The following XKR4 variants were observed in gnomAD, a reference collection of about 807,000 sequenced individuals.
The protein encoded by XKR4 is XK-related protein 4.
A neutral mutation model predicts 53.9 loss-of-function variants in XKR4; 12 were observed. That is an observed-to-expected ratio of 0.22 (90% confidence interval 0.14 to 0.36). XKR4 has a LOEUF of 0.36. Among genes scored for constraint, XKR4 ranks in the 10% least tolerant of loss-of-function variants. The probability of loss-of-function intolerance (pLI) is 1.00; values close to 1 mark genes in which losing one functional copy is unlikely to be tolerated. For synonymous variants in XKR4, 354 were observed against 362.4 expected, an observed-to-expected ratio of 0.98 and a Z score of 0.26; for missense variants, 799 against 859.5, an observed-to-expected ratio of 0.93 and a Z score of 0.88.
intron 1 of XKR4, among the ~76,000 whole-genome samples, chr8:55,263,520 C>A (rs1195374064): frequency 1.3e-5 from 2 of 152,198 alleles, no homozygotes; most frequent in African/African-American, 4.8e-5. Flanking sequence ...CTAGAGCACT[C>A]AGATTTTGAA....
At chr8:55,451,842 G>A (rs562451059) in intron 2 of XKR4, 24 of 911,568 alleles carry the variant, frequency 2.6e-5, no homozygotes, top group Middle Eastern at 2.1e-4. Flanking sequence ...TGGTCATGCC[G>A]TCCGAGGGCT....
chr8:55,504,641 C>G (rs537550618), intron 2 of XKR4, among the ~76,000 whole-genome samples: 2 of 152,262 alleles, frequency 1.3e-5, no homozygotes, highest in South Asian at 4.1e-4. Context: ...GGTAATTCCT[C>G]TTTAAATATT....
chr8:55,151,453 A>G (rs1563469320), intron 1 of XKR4, among the ~76,000 whole-genome samples: 1 of 152,226 alleles, frequency 6.6e-6, no homozygotes, highest in Non-Finnish European at 1.5e-5. Flanking sequence ...TGACATGACT[A>G]CAAAATGATC....
intron 1 of XKR4, among the ~76,000 whole-genome samples, chr8:55,240,022 A>G (rs1488057397): frequency 6.6e-6 from 1 of 152,172 alleles, no homozygotes; most frequent in Admixed American, 6.5e-5. Flanking sequence ...GTATCAGTGA[A>G]CCTAGAGTAT....
At chr8:55,173,482 G>T (rs1322486835) in intron 1 of XKR4, among the ~76,000 whole-genome samples, 1 of 152,126 alleles carries the variant, frequency 6.6e-6, no homozygotes, top group African/African-American at 2.4e-5. Flanking sequence ...TAGAACACAT[G>T]ATACTGTTTC....
At chr8:55,373,133 G>C (rs1040053891) in intron 2 of XKR4, among the ~76,000 whole-genome samples, 2 of 152,126 alleles carry the variant, frequency 1.3e-5, no homozygotes, top group Non-Finnish European at 2.9e-5. Flanking sequence ...AAGTCTCAGA[G>C]ACTACAAGAC....
intron 2 of XKR4, among the ~76,000 whole-genome samples, chr8:55,489,740 C>A (rs1358381134): frequency 6.6e-6 from 1 of 151,604 alleles, no homozygotes; most frequent in East Asian, 1.9e-4. Context: ...ATATGTCACC[C>A]ATGAATATAA....
intron 2 of XKR4, among the ~76,000 whole-genome samples, chr8:55,389,778 C>A (rs546892155): frequency 6.6e-6 from 1 of 152,134 alleles, no homozygotes; most frequent in African/African-American, 2.4e-5. Context: ...AAGTTATAAG[C>A]CTGTCTTTAA....
chr8:55,360,847 TCTC>T (rs1219201334), intron 2 of XKR4, among the ~76,000 whole-genome samples: 1 of 152,226 alleles, frequency 6.6e-6, no homozygotes, highest in East Asian at 1.9e-4. Flanking sequence ...GTCAGCTGCT[TCTC>T]CTTCCTTATG....
chr8:55,253,072 A>G (rs1818382753), intron 1 of XKR4, among the ~76,000 whole-genome samples: 1 of 152,174 alleles, frequency 6.6e-6, no homozygotes, highest in Non-Finnish European at 1.5e-5. Context: ...AAGAACACAA[A>G]TCAAATGCAT....
intron 2 of XKR4, among the ~76,000 whole-genome samples, chr8:55,398,458 A>C (rs1804554718): frequency 6.6e-6 from 1 of 152,232 alleles, no homozygotes; most frequent in African/African-American, 2.4e-5. Flanking sequence ...GCTATTTAAA[A>C]ATACATCAGA....
At position 55,379,759 on chromosome 8, in the gene XKR4, C is replaced by T. The variant is rs141307461; in HGVS notation, c.1006+21882C>T. ...GCCCCAACCAGCTCCTCACTCCACC[C>T]GGAGCATAGGGTTCCAGGGCATCTT... On this transcript the variant is annotated intron_variant, in intron 2 of 2. Transcript: ENST00000327381. 7.9e-5 allele frequency among the ~76,000 whole-genome samples: 12 copies of T among 152,318 alleles called. No homozygotes were observed. In the South Asian group the frequency reaches 1.2e-3, roughly 16 times the overall value.
Position 55,524,039 on chromosome 8 carries a change from C to A in XKR4, c.1765C>A (p.Arg589=), listed in dbSNP as rs371310690. 3 of 1,614,030 alleles carry A rather than the reference C, an allele frequency of 1.9e-6. No homozygotes were observed. The highest frequency in any genetic ancestry group is 8.5e-7 in the Non-Finnish European group (1 of 1,180,046). ...APSTPSSRPP[R]IEESVIKIDL... ...ATCCACCCCATCATCTCGCCCACCA[C>A]GGATTGAAGAATCAGTCATTAAAAT... Residue 589 remains arginine (R), a synonymous_variant, in exon 3 of 3, where the codon CGG becomes AGG. Coordinates refer to ENST00000327381, the MANE Select transcript of XKR4 (RefSeq NM_052898.2).
intron 1 of XKR4, among the ~76,000 whole-genome samples, chr8:55,174,341 C>A (rs551195668): frequency 1.3e-5 from 2 of 152,164 alleles, no homozygotes; most frequent in African/African-American, 4.8e-5. Flanking sequence ...TTTAAATGGA[C>A]CTTGACTCCA....
intron 1 of XKR4, among the ~76,000 whole-genome samples, chr8:55,351,301 T>C (rs1344916114): frequency 6.6e-6 from 1 of 152,216 alleles, no homozygotes; most frequent in Non-Finnish European, 1.5e-5. Context: ...GGTTTGATTT[T>C]GTGTCTTATT....
chr8:55,202,663 T>C (rs1388993551), intron 1 of XKR4, among the ~76,000 whole-genome samples: 2 of 152,258 alleles, frequency 1.3e-5, no homozygotes, highest in Non-Finnish European at 2.9e-5. Flanking sequence ...CTCAGCATAC[T>C]TGTGACTTGT....
chr8:55,402,187 G>T (rs1804611127), intron 2 of XKR4, among the ~76,000 whole-genome samples: 1 of 152,158 alleles, frequency 6.6e-6, no homozygotes, highest in Non-Finnish European at 1.5e-5. Flanking sequence ...CCTTGGGAAA[G>T]GTATGAGGGA....
intron 2 of XKR4, among the ~76,000 whole-genome samples, chr8:55,432,958 T>A (rs780749611): frequency 1.3e-5 from 2 of 152,172 alleles, no homozygotes; most frequent in African/African-American, 4.8e-5. Flanking sequence ...CATGTCCTGC[T>A]CTCGTGATCA....
intron 1 of XKR4, among the ~76,000 whole-genome samples, chr8:55,349,336 T>C (rs2129383339): frequency 6.6e-6 from 1 of 152,342 alleles, no homozygotes; most frequent in East Asian, 1.9e-4. Context: ...CTGAGCGTTT[T>C]TGCTATGGTG....
Sources: allele counts gnomAD v4.1 joint callset (sites outside exome capture counted in the v4.1 genomes callset), GRCh38; gene constraint gnomAD v4.1.1; transcripts MANE v1.5; gene names NCBI Gene and HGNC (gene_info 2026-07-23, HGNC 2026-07-21).